The following MYH7B variants were observed in gnomAD, a reference collection of about 807,000 sequenced individuals.
MYH7B encodes the protein myosin-7B.
MYH7B carries 205 observed loss-of-function variants against 234.5 expected under a neutral mutation model. The ratio of observed to expected loss-of-function variants is 0.87; its 90% CI spans 0.78 to 0.98. The LOEUF (loss-of-function observed/expected upper bound fraction) is 0.98. Among genes scored for constraint, MYH7B ranks in the 50% least tolerant of loss-of-function variants. The pLI is 0.00. For synonymous variants in MYH7B, 1,193 were observed against 1,105.0 expected (o/e 1.08, Z -1.58); for missense variants, 2,652 against 2,633.4 (o/e 1.01, Z -0.15).
chr20:34,984,890 G>C, exon 12 of MYH7B: 1 of 1,614,068 alleles, frequency 6.2e-7, no homozygotes, highest in African/African-American at 1.3e-5. Flanking sequence ...GGCCAACCCT[G>C]CCATGGAGGC....
chr20:34,975,061 GT>G (rs1278858734), intron 2 of MYH7B, among the ~76,000 whole-genome samples: 1 of 152,094 alleles, frequency 6.6e-6, no homozygotes, highest in Non-Finnish European at 1.5e-5. Flanking sequence ...AATCTCTGAG[GT>G]TAGAAGTCAG....
Position 34,999,376 on chromosome 20 carries a change from C to T in MYH7B, c.4511C>T (p.Thr1504Met), listed in dbSNP as rs766259714. 4.2e-5 allele frequency: 64 copies of T among 1,528,440 alleles called. No individual in the cohort carries two copies. Among genetic ancestry groups the T allele is most frequent in the Admixed American group, 2.7e-4 (13 of 47,624 alleles). The allele number at this position is 1,528,440 out of a possible 1,614,324, so 94.7% of individuals were successfully genotyped here. Residue 1504 changes from threonine (T) to methionine (M), a missense_variant, in exon 36 of 45, where the codon ACG (threonine) becomes ATG (methionine). Physicochemically the swap from Thr to Met is moderately conservative, Grantham distance 81 (BLOSUM62 -1). Around this residue, in one of 3 missense-constraint regions of MYH7B, gnomAD observed 2,279 missense variants for 2,211.4 expected, o/e 1.03. Coordinates refer to ENST00000262873, the Ensembl canonical transcript of MYH7B. Reference sequence around the variant, plus strand: ...GAGGAGGCACTTGAAGCCCTGGAGACGCTCAAGCGGGAGAACAAGAACCTG... The same window carrying T: ...GAGGAGGCACTTGAAGCCCTGGAGATGCTCAAGCGGGAGAACAAGAACCTG...
chr20:34,987,150 A>G (rs2082043162), exon 16 of MYH7B: 1 of 1,613,456 alleles, frequency 6.2e-7, no homozygotes, highest in African/African-American at 1.3e-5. Context: ...GCCCCCCAGC[A>G]TGCCATGGAC....
chr20:34,990,162 C>T lies in MYH7B; in HGVS notation c.1900+16C>T. 6.2e-7 allele frequency: 1 copy of T among 1,614,092 alleles called. No homozygotes were observed. The highest frequency in any genetic ancestry group is 8.5e-7 in the Non-Finnish European group (1 of 1,180,026). On this transcript the variant is annotated intron_variant, in intron 21 of 44. Transcript: ENST00000262873. Reference sequence around the variant, plus strand: ...TCCTGCTCCAGTGAGTATGGAGGGACAAGATCTCCACTCTGACAGGGGCCC... The same window carrying T: ...TCCTGCTCCAGTGAGTATGGAGGGATAAGATCTCCACTCTGACAGGGGCCC...
Position 34,986,936 on chromosome 20 carries a change from G to T in MYH7B, c.955G>T (p.Gly319Cys), listed in dbSNP as rs376144810. The change falls in exon 15 of 45, where the codon GGC becomes TGC. Residue 319 changes from glycine (G) to cysteine (C), a missense_variant. Coordinates refer to ENST00000262873, the Ensembl canonical transcript of MYH7B. ...CTATGACTACCACTTCTGCAGCCAG[G>T]GCGTCATCACCGTGGACAACATGAA... 4 of 1,613,966 alleles carry T rather than the reference G, an allele frequency of 2.5e-6. No homozygotes were observed. The African/African-American group carries it at 4.0e-5, about 16-fold the overall frequency.
rs200971326 is a variant in MYH7B, at chr20:34,984,655, G to A, written c.625-37G>A. ...CCCACCCCGCCCTTCCCCACCGGAG[G>A]CCTGGCCCTCTAATGTTGTCTGTCT... On this transcript the variant is annotated intron_variant, in intron 10 of 44. Transcript: ENST00000262873. The A allele has an allele frequency of 9.0e-4, 1,436 of 1,599,148 alleles. 1 individual carries two copies. Among genetic ancestry groups the A allele is most frequent in the Non-Finnish European group, 1.2e-3 (1,354 of 1,175,402 alleles).
At chr20:34,967,267 T>C (rs1254681491) in intron 2 of MYH7B, among the ~76,000 whole-genome samples, 1 of 151,770 alleles carries the variant, frequency 6.6e-6, no homozygotes. Flanking sequence ...AAGCATTAGA[T>C]AGAATGATAG....
chr20:34,988,806 CTTTT>C (rs36001113), intron 19 of MYH7B, among the ~76,000 whole-genome samples: 260 of 113,152 alleles, frequency 2.3e-3, no homozygotes, highest in Middle Eastern at 9.0e-3. Flanking sequence ...TCCTTTATCC[CTTTT>C]TTTTTTTTTT....
Position 34,996,776 on chromosome 20 carries a change from G to T in MYH7B, c.3266+18G>T, listed in dbSNP as rs750569763. On this transcript the variant is annotated intron_variant, in intron 30 of 44. Transcript: ENST00000262873. The stretch of plus-strand genomic sequence containing the variant: ...CTCAAGAAGTAGGTGTGGTGGGGCA[G>T]CAGGTGGGGGCCTTCTGAGCCTGCA... 6.2e-7 allele frequency: 1 copy of T among 1,601,244 alleles called. No homozygotes were observed. Among genetic ancestry groups the T allele is most frequent in the Non-Finnish European group, 8.5e-7 (1 of 1,174,950 alleles).
chr20:34,979,943 C>T, intron 7 of MYH7B, 139 bp downstream of exon 7: 1 of 968,408 alleles, frequency 1.0e-6, no homozygotes, highest in Non-Finnish European at 1.5e-6. Flanking sequence ...TAGAGCGGGT[C>T]CATAGCGGGG....
intron 10 of MYH7B, among the ~76,000 whole-genome samples, chr20:34,983,775 A>G (rs561245509): frequency 9.2e-5 from 14 of 152,294 alleles, no homozygotes; most frequent in Admixed American, 2.0e-4. Context: ...CCCCTGCCCA[A>G]TGTCCCTGTG....
exon 1 of MYH7B, chr20:34,955,981 A>C (rs2081628810): frequency 6.6e-6 from 1 of 152,240 alleles, no homozygotes; most frequent in Admixed American, 6.5e-5. Context: ...AGGGGAGGGG[A>C]CCATCGGGGT....
chr20:34,993,445 G>A (rs2147219048), exon 26 of MYH7B: 1 of 1,607,602 alleles, frequency 6.2e-7, no homozygotes, highest in Middle Eastern at 1.7e-4. Flanking sequence ...CATGCGCCTT[G>A]AGTACCAGCG....
At chr20:34,985,415 A>T (rs1444024653) in intron 13 of MYH7B, among the ~76,000 whole-genome samples, 5 of 151,906 alleles carry the variant, frequency 3.3e-5, no homozygotes, top group Non-Finnish European at 5.9e-5. Flanking sequence ...TGGAGACCCA[A>T]ATCCTCATTT....
At chr20:34,977,029 A>C (rs1267519269) in intron 3 of MYH7B, among the ~76,000 whole-genome samples, 1 of 147,896 alleles carries the variant, frequency 6.8e-6, no homozygotes, top group African/African-American at 2.5e-5. Flanking sequence ...CAGATGTCTG[A>C]GAAGGATGTC....
intron 26 of MYH7B, among the ~76,000 whole-genome samples, 180 bp downstream of exon 26, chr20:34,993,650 CG>C (rs1452765663): frequency 6.6e-6 from 1 of 152,230 alleles, no homozygotes. Context: ...AAACGGGGTA[CG>C]GCACTTGCCT....
At position 34,986,210 on chromosome 20, in the gene MYH7B, T is replaced by C; in HGVS notation, c.904+12T>C. On this transcript the variant is annotated intron_variant, in intron 14 of 44. Transcript: ENST00000262873. Reference sequence around the variant, plus strand: ...GCCAGAGCTGCAGGGTGAGGGGCAGTACGATGAAGGGGGTGGGAGTCAGAA... The same window carrying C: ...GCCAGAGCTGCAGGGTGAGGGGCAGCACGATGAAGGGGGTGGGAGTCAGAA... The C allele has an allele frequency of 6.3e-7, 1 of 1,577,220 alleles. No homozygotes were observed. The highest frequency in any genetic ancestry group is 8.6e-7 in the Non-Finnish European group (1 of 1,159,162).
At chr20:35,000,861 G>A (rs1205215363) in exon 40 of MYH7B, 4 of 1,613,678 alleles carry the variant, frequency 2.5e-6, no homozygotes, top group South Asian at 2.2e-5. Flanking sequence ...GAGGCGGGAG[G>A]CTGAGGAGAA....
At chr20:34,959,543 T>A (rs1385793544) in intron 2 of MYH7B, among the ~76,000 whole-genome samples, 1 of 151,798 alleles carries the variant, frequency 6.6e-6, no homozygotes, top group Non-Finnish European at 1.5e-5. Flanking sequence ...AGTGGCACGA[T>A]CTTGGCTCAC....
Sources: allele counts gnomAD v4.1 joint callset (sites outside exome capture counted in the v4.1 genomes callset), GRCh38; gene constraint gnomAD v4.1.1; regional missense constraint gnomAD v4.1.1; transcripts MANE v1.5; gene names NCBI Gene and HGNC (gene_info 2026-07-23, HGNC 2026-07-21).